The following DGKB variants were observed in gnomAD, a reference collection of about 807,000 sequenced individuals.
DGKB encodes the protein diacylglycerol kinase beta.
Under a neutral mutation model 114.3 loss-of-function variants are expected in DGKB, and 67 were observed. The ratio of observed to expected loss-of-function variants is 0.59; its 90% CI spans 0.48 to 0.72. The LOEUF is 0.72. DGKB is among the 30% of genes least tolerant of loss of function. The pLI is 0.00. For missense variants in DGKB, 907 were observed against 975.2 expected (o/e 0.93, Z 0.93); for synonymous variants, 398 against 323.1 (o/e 1.23, Z -2.49).
intron 9 of DGKB, among the ~76,000 whole-genome samples, chr7:14,689,472 A>G (rs567932424): frequency 6.6e-6 from 1 of 152,238 alleles, no homozygotes; most frequent in South Asian, 2.1e-4. Flanking sequence ...CGCCCGGCCG[A>G]AACTTCTCTT....
At chr7:14,611,746 G>A (rs1440036909) in intron 16 of DGKB, among the ~76,000 whole-genome samples, 1 of 151,508 alleles carries the variant, frequency 6.6e-6, no homozygotes, top group African/African-American at 2.4e-5. Context: ...TTATTTATAT[G>A]TACTGGTAGA....
chr7:14,329,385 G>C lies in DGKB; in HGVS notation c.2122+9130C>G. On this transcript the variant is annotated intron_variant, in intron 23 of 25. Coordinates refer to ENST00000402815, the MANE Select transcript of DGKB (RefSeq NM_001350709.2). ...AAATAAAAGTCTGATATCTCTTCTG[G>C]TATAACTTTAAATTGCTAGTGAGAT... Among the ~76,000 whole-genome samples, 2 of 151,998 alleles carry C rather than the reference G, an allele frequency of 1.3e-5. 1 individual carries two copies. Among genetic ancestry groups the C allele is most frequent in the Middle Eastern group, 6.8e-3 (2 of 294 alleles).
In DGKB at chr7:14,409,646, G is replaced by T. The variant is rs1176084384; in HGVS notation, c.1836-64255C>A. Among the ~76,000 whole-genome samples, 10 of 17,158 alleles carry T rather than the reference G, an allele frequency of 5.8e-4. 3 individuals carry two copies. The highest frequency in any genetic ancestry group is 1.1e-3 in the African/African-American group (8 of 7,584). 11.3% of individuals were successfully genotyped at this position (17,158 alleles called of 152,430 possible). A position where few individuals can be genotyped will look rare whatever the true frequency, so the allele number is the denominator to read the frequency against. On this transcript the variant is annotated intron_variant, in intron 21 of 25. Transcript: ENST00000402815. ...GGCGTGAACCCGGGAAGCGGAGCTTGCAGTGAGCCGAGATTGCGCCACTGC... is the reference window on the plus strand; with the variant it reads ...GGCGTGAACCCGGGAAGCGGAGCTTTCAGTGAGCCGAGATTGCGCCACTGC...
chr7:14,567,304 T>TA (rs1797623341), intron 20 of DGKB, among the ~76,000 whole-genome samples: 1 of 32,324 alleles, frequency 3.1e-5, no homozygotes, highest in African/African-American at 1.6e-4. Flanking sequence ...TATTTATATA[T>TA]TATATATAAT....
intron 1 of DGKB, among the ~76,000 whole-genome samples, chr7:14,962,332 A>G (rs1786895142): frequency 2.0e-5 from 3 of 152,178 alleles, no homozygotes; most frequent in Non-Finnish European, 4.4e-5. Context: ...TTTAAAAGAT[A>G]TCCGACCTTT....
chr7:14,543,524 A>G (rs1319008384), intron 20 of DGKB, among the ~76,000 whole-genome samples: 1 of 152,236 alleles, frequency 6.6e-6, no homozygotes, highest in African/African-American at 2.4e-5. Flanking sequence ...GAATGAAAAT[A>G]AAACACTGTT....
chr7:14,496,497 C>T (rs1203117965), intron 20 of DGKB, among the ~76,000 whole-genome samples: 1 of 151,366 alleles, frequency 6.6e-6, no homozygotes, highest in Non-Finnish European at 1.5e-5. Context: ...ACAAAAGCAA[C>T]ATTTTCATCA....
intron 25 of DGKB, among the ~76,000 whole-genome samples, chr7:14,173,961 G>A (rs74707230): frequency 0.02 from 3,020 of 152,258 alleles, 42 homozygotes; most frequent in Admixed American, 0.03. Flanking sequence ...TGAAATGAAT[G>A]TCTTATTACT....
intron 13 of DGKB, among the ~76,000 whole-genome samples, chr7:14,631,528 G>C (rs374600232): frequency 3.9e-5 from 6 of 152,008 alleles, no homozygotes; most frequent in Non-Finnish European, 5.9e-5. Context: ...AAGTGGAAGA[G>C]TATGAGCTCT....
intron 23 of DGKB, among the ~76,000 whole-genome samples, chr7:14,249,673 A>G (rs1244146268): frequency 2.6e-5 from 4 of 152,090 alleles, no homozygotes; most frequent in Non-Finnish European, 5.9e-5. Context: ...TTCTGTGGTA[A>G]CAGTTGTACT....
At chr7:14,433,635 A>G (rs1828811480) in intron 21 of DGKB, among the ~76,000 whole-genome samples, 1 of 152,154 alleles carries the variant, frequency 6.6e-6, no homozygotes, top group African/African-American at 2.4e-5. Context: ...GACACTTAAT[A>G]CATTTTTTGT....
At chr7:14,508,299 G>A (rs1353821995) in intron 20 of DGKB, among the ~76,000 whole-genome samples, 1 of 152,062 alleles carries the variant, frequency 6.6e-6, no homozygotes, top group Non-Finnish European at 1.5e-5. Flanking sequence ...AAAATTTATT[G>A]TGTTTTATAA....
intron 21 of DGKB, among the ~76,000 whole-genome samples, chr7:14,396,256 A>G (rs1389860522): frequency 6.6e-6 from 1 of 152,156 alleles, no homozygotes; most frequent in African/African-American, 2.4e-5. Flanking sequence ...TGATACAACA[A>G]TTAATTTCAA....
chr7:14,545,488 T>C (rs571741561), intron 20 of DGKB, among the ~76,000 whole-genome samples: 49 of 152,208 alleles, frequency 3.2e-4, no homozygotes, highest in African/African-American at 1.1e-3. Flanking sequence ...TGAGAAAACA[T>C]CTCTCAAAAA....
At chr7:14,229,563 C>T (rs767949758) in intron 23 of DGKB, among the ~76,000 whole-genome samples, 2 of 151,932 alleles carry the variant, frequency 1.3e-5, no homozygotes, top group East Asian at 1.9e-4. Context: ...TATATGAACA[C>T]GTGTATCTAT....
chr7:14,549,555 T>G (rs1794810340), intron 20 of DGKB, among the ~76,000 whole-genome samples: 1 of 152,198 alleles, frequency 6.6e-6, no homozygotes, highest in Admixed American at 6.5e-5. Flanking sequence ...AAATCAGAAA[T>G]TCTGGTTCAG....
intron 1 of DGKB, among the ~76,000 whole-genome samples, chr7:14,884,573 T>A (rs1282392414): frequency 6.6e-6 from 1 of 151,978 alleles, no homozygotes; most frequent in Non-Finnish European, 1.5e-5. Context: ...GAGGCAGCAC[T>A]CAATTTATCA....
chr7:14,689,213 T>TTTTTATTTA (rs1554599191), intron 9 of DGKB, among the ~76,000 whole-genome samples: 11 of 131,358 alleles, frequency 8.4e-5, no homozygotes, highest in Admixed American at 3.0e-4. Context: ...TTTTTTTTTT[T>TTTTTATTTA]TTTTTTTTTT....
intron 21 of DGKB, among the ~76,000 whole-genome samples, chr7:14,446,900 C>A (rs1020643120): frequency 6.6e-6 from 1 of 152,124 alleles, no homozygotes; most frequent in South Asian, 2.1e-4. Context: ...GCACCTGTAT[C>A]GCCCCTGTGG....
Sources: gnomAD v4.1 joint callset for allele counts (sites outside exome capture counted in the v4.1 genomes callset) on GRCh38, gnomAD v4.1.1 for gene constraint, MANE v1.5 for transcripts, NCBI Gene and HGNC (gene_info 2026-07-23, HGNC 2026-07-21) for gene names.